The following FRYL variants were observed in gnomAD, a reference collection of about 807,000 sequenced individuals.
FRYL encodes FRY like transcription coactivator, also known as protein furry homolog-like.
A neutral mutation model predicts 351.2 loss-of-function variants in FRYL; 150 were observed. The ratio of observed to expected loss-of-function variants is 0.43; its 90% CI spans 0.37 to 0.49. FRYL has a LOEUF of 0.49. Among genes scored for constraint, FRYL ranks in the 20% least tolerant of loss-of-function variants. FRYL has a pLI of 0.00. For missense variants in FRYL, 3,036 were observed against 3,619.3 expected (o/e 0.84, Z 4.13); for synonymous variants, 1,153 against 1,257.1 (o/e 0.92, Z 1.75).
rs141814167 is a variant in FRYL at position 48,620,042 on chromosome 4, T to C, written c.314+597A>G. On this transcript the variant is annotated intron_variant, in intron 6 of 63. Coordinates refer to ENST00000358350, the MANE Select transcript of FRYL (RefSeq NM_015030.2). ...AAGTATTAACTTTTCAACATGAAAATACAGTACAAGGTATCCTTCTCACAA... is the reference window on the plus strand; with the variant it reads ...AAGTATTAACTTTTCAACATGAAAACACAGTACAAGGTATCCTTCTCACAA... Among the ~76,000 whole-genome samples the C allele has an allele frequency of 5.9e-5, 9 of 152,308 alleles. No homozygotes were observed. The East Asian group carries it at 1.7e-3, about 29-fold the overall frequency.
At chr4:48,747,855 G>A (rs1772842753) in intron 1 of FRYL, among the ~76,000 whole-genome samples, 1 of 152,196 alleles carries the variant, frequency 6.6e-6, no homozygotes. Context: ...TAAATTCCAT[G>A]CTTATAAAAA....
chr4:48,579,141 T>A lies in FRYL; in HGVS notation c.2360A>T (p.His787Leu), dbSNP rs560682735. ...GGTCACATGTGCAAATATCCATATA[T>A]GTGATGGACTAATCACATCAAACTG... is the stretch of plus-strand genomic sequence containing the variant. ...SHQFDVISPS[H>L]IWIFAHVTQG... The change falls in exon 23 of 64, where the codon CAT becomes CTT. Residue 787 changes from histidine (H) to leucine (L), a missense_variant. This residue lies in a region of FRYL where 492 missense variants were observed against 551.5 expected (regional missense o/e 0.89). Transcript: ENST00000358350. 1.9e-6 allele frequency: 3 copies of A among 1,613,922 alleles called. No homozygotes were observed. In the African/African-American group the frequency reaches 4.0e-5, roughly 22 times the overall value.
In FRYL at chr4:48,545,996, C is replaced by T. The variant is rs543675361; in HGVS notation, c.5279+71G>A. ...TATTTCAGACAACAAAAATATGGCT[C>T]ATAATACCTGATCAATGAAAGAATG... On this transcript the variant is annotated intron_variant, in intron 42 of 63. Transcript: ENST00000358350. 4 of 1,377,890 alleles carry T rather than the reference C, an allele frequency of 2.9e-6. No homozygotes were observed. In the East Asian group the frequency reaches 9.7e-5, roughly 33 times the overall value. The allele number at this position is 1,377,890 out of a possible 1,614,324, so 85.4% of individuals were successfully genotyped here.
intron 1 of FRYL, among the ~76,000 whole-genome samples, chr4:48,716,492 G>A (rs746499314): frequency 4.6e-5 from 7 of 151,518 alleles, no homozygotes; most frequent in African/African-American, 7.3e-5. Context: ...TCTCAAAAGA[G>A]GACATTTATG....
chr4:48,656,371 ATACTAAATATATAATATATAAT>A (rs1560799747), intron 3 of FRYL, among the ~76,000 whole-genome samples: 4 of 133,118 alleles, frequency 3.0e-5, no homozygotes, highest in African/African-American at 1.1e-4. Context: ...TATATAATAT[ATACTAAATATATAATATATAAT>A]TAATATATAA....
At chr4:48,536,287 A>C (rs1283816722) in intron 47 of FRYL, among the ~76,000 whole-genome samples, 1 of 152,194 alleles carries the variant, frequency 6.6e-6, no homozygotes, top group Non-Finnish European at 1.5e-5. Flanking sequence ...TCAGTAGAGC[A>C]GTCAGTTGCA....
At chr4:48,602,261 T>C (rs1426115992) in intron 12 of FRYL, 140 bp from the exon 13 acceptor site, 1 of 581,314 alleles carries the variant, frequency 1.7e-6, no homozygotes, top group Non-Finnish European at 3.2e-6. Flanking sequence ...AGAAATATAA[T>C]CTCATAGAAT....
Position 48,540,738 on chromosome 4 carries a change from G to A in FRYL, c.5910C>T (p.Ser1970=). The A allele has an allele frequency of 1.2e-6, 2 of 1,613,982 alleles. No individual in the cohort carries two copies. The highest frequency in any genetic ancestry group is 2.2e-5 in the South Asian group (2 of 91,068). ...LDIMDGRINH[S]SSLARTRSLS... is the part of the protein sequence containing the mutation. ...GGCTTCTAGTCCTTGCTAAACTACT[G>A]CTATGGTTTATCCGTCCATCCATTA... is the stretch of plus-strand genomic sequence containing the variant. The change falls in exon 46 of 64, where the codon AGC becomes AGT. Residue 1970 remains serine (S), a synonymous_variant. Transcript: ENST00000358350.
At chr4:48,592,969 C>T (rs1743766316) in intron 16 of FRYL, among the ~76,000 whole-genome samples, 1 of 151,916 alleles carries the variant, frequency 6.6e-6, no homozygotes, top group Admixed American at 6.6e-5. Flanking sequence ...TTTTTATATC[C>T]TCAAATGTAA....
At chr4:48,718,951 T>A (rs1769170059) in intron 1 of FRYL, among the ~76,000 whole-genome samples, 1 of 151,458 alleles carries the variant, frequency 6.6e-6, no homozygotes, top group African/African-American at 2.4e-5. Context: ...CTCAACTTAC[T>A]CCTGAACTAT....
chr4:48,601,545 G>A (rs1347489730), intron 13 of FRYL, among the ~76,000 whole-genome samples: 1 of 152,108 alleles, frequency 6.6e-6, no homozygotes. Context: ...CATTTCAGGA[G>A]CTTTTACATC....
At chr4:48,501,173 G>T (rs1719555509) in intron 62 of FRYL, among the ~76,000 whole-genome samples, 1 of 147,490 alleles carries the variant, frequency 6.8e-6, no homozygotes, top group South Asian at 2.2e-4. Context: ...TGTCTTTATT[G>T]AACTGATGTG....
intron 53 of FRYL, among the ~76,000 whole-genome samples, chr4:48,525,547 G>A (rs990697788): frequency 4.6e-5 from 7 of 152,138 alleles, no homozygotes; most frequent in Non-Finnish European, 8.8e-5. Flanking sequence ...TCATTCCTCC[G>A]CCTCACCTAT....
At chr4:48,531,382 A>T (rs1400774104) in intron 49 of FRYL, 29 bp from the exon 50 acceptor site, 1 of 1,445,154 alleles carries the variant, frequency 6.9e-7, no homozygotes, top group South Asian at 1.2e-5. Context: ...GACACGTAAA[A>T]GTTACAAATG....
At chr4:48,737,911 C>T (rs1171847693) in intron 1 of FRYL, among the ~76,000 whole-genome samples, 1 of 152,138 alleles carries the variant, frequency 6.6e-6, no homozygotes, top group Non-Finnish European at 1.5e-5. Context: ...AAATACAACA[C>T]TCATTCATGA....
chr4:48,603,557 C>T (rs1746112726), intron 11 of FRYL, among the ~76,000 whole-genome samples, 169 bp from the exon 12 acceptor site: 4 of 152,096 alleles, frequency 2.6e-5, no homozygotes, highest in Admixed American at 1.3e-4. Flanking sequence ...ATAAGATAAA[C>T]CTAGTCCCAG....
At chr4:48,594,420 CTAAT>C (rs1348281832) in intron 15 of FRYL, among the ~76,000 whole-genome samples, 2 of 152,046 alleles carry the variant, frequency 1.3e-5, no homozygotes, top group Non-Finnish European at 2.9e-5. Context: ...GGGAAGTTAA[CTAAT>C]TAGATTAACT....
intron 2 of FRYL, among the ~76,000 whole-genome samples, chr4:48,698,283 G>A (rs570718442): frequency 2.6e-5 from 4 of 152,316 alleles, no homozygotes; most frequent in African/African-American, 9.6e-5. Context: ...CTGTAACTAC[G>A]CGAATGGGTT....
intron 1 of FRYL, among the ~76,000 whole-genome samples, chr4:48,744,692 T>C (rs1487164659): frequency 6.6e-6 from 1 of 152,138 alleles, no homozygotes; most frequent in Non-Finnish European, 1.5e-5. Flanking sequence ...AATCTTTCAT[T>C]TGGGATAACT....
Sources: gnomAD v4.1 joint callset for allele counts (sites outside exome capture counted in the v4.1 genomes callset) on GRCh38, gnomAD v4.1.1 for gene constraint, gnomAD v4.1.1 regional missense constraint, MANE v1.5 for transcripts, NCBI Gene and HGNC (gene_info 2026-07-23, HGNC 2026-07-21) for gene names.